The following ZNF33B variants were observed in gnomAD, a reference collection of about 807,000 sequenced individuals.
The protein encoded by ZNF33B is zinc finger protein 11b (KOX 2).
ZNF33B carries 29 observed loss-of-function variants against 45.8 expected under a neutral mutation model. That is an observed-to-expected ratio of 0.63 (90% CI 0.47 to 0.86). The LOEUF is 0.86. ZNF33B is among the 40% of genes least tolerant of loss of function. ZNF33B has a pLI of 0.00. For missense variants in ZNF33B, 831 were observed against 909.9 expected (o/e 0.91, Z 1.12); for synonymous variants, 305 against 307.8 (o/e 0.99, Z 0.10).
chr10:42,637,525 G>A (rs914651475), intron 1 of ZNF33B, among the ~76,000 whole-genome samples: 11 of 152,192 alleles, frequency 7.2e-5, no homozygotes, highest in African/African-American at 2.4e-4. Context: ...TGGCTTAGGG[G>A]TCAGGAGAAG....
intron 4 of ZNF33B, among the ~76,000 whole-genome samples, chr10:42,628,759 G>C (rs552786133): frequency 1.2e-4 from 18 of 151,972 alleles, no homozygotes; most frequent in Admixed American, 1.2e-3. Context: ...GAACGCCACC[G>C]ATCATACACA....
chr10:42,594,356 G>C lies in ZNF33B; in HGVS notation c.594C>G (p.Asn198Lys), dbSNP rs1254546060. Residue 198 changes from asparagine (N) to lysine (K), a missense_variant, in exon 5 of 5, where the codon AAC (asparagine) becomes AAG (lysine). Asn to Lys is a moderately conservative substitution (Grantham distance 94, BLOSUM62 0). Transcript: ENST00000359467. ...REKNEVLKNR[N>K]TLSHRENTLQ... ...AAGTGTTCTCACGATGACTCAGAGT[G>C]TTCCTATTTTTCAAAACTTCATTTT... 6.2e-7 allele frequency: 1 copy of C among 1,613,820 alleles called. No individual in the cohort carries two copies. The highest frequency in any genetic ancestry group is 2.2e-5 in the East Asian group (1 of 44,856).
chr10:42,629,438 C>A (rs933586954), intron 4 of ZNF33B, among the ~76,000 whole-genome samples: 8 of 152,100 alleles, frequency 5.3e-5, no homozygotes, highest in Non-Finnish European at 1.2e-4. Flanking sequence ...TTTAAAGTGA[C>A]TAAAAGAGTG....
rs60817389 is a variant in ZNF33B at position 42,631,969 on chromosome 10, T to C, written c.210A>G (p.Pro70=). The change falls in exon 4 of 5, where the codon CCA becomes CCG. Residue 70 remains proline, a synonymous_variant. Coordinates refer to ENST00000359467, the MANE Select transcript of ZNF33B (RefSeq NM_006955.3). ...VIFRLEQGEE[P]WRLEEEFPSQ... ...TTGGGAATTCTTCCTCCAGTCTCCA[T>C]GGTTCTTCTCCTTGTTCCAGCCTGA... is the stretch of plus-strand genomic sequence containing the variant. 3,264 of 1,614,134 alleles carry C rather than the reference T, an allele frequency of 2.0e-3. 71 individuals are homozygous for C. In the African/African-American group the frequency reaches 0.038, roughly 19 times the overall value.
At chr10:42,574,845 C>T (rs568830533) in intron 1 of ZNF33B, among the ~76,000 whole-genome samples, 2 of 152,126 alleles carry the variant, frequency 1.3e-5, no homozygotes, top group Non-Finnish European at 2.9e-5. Context: ...AAGATAACAC[C>T]TTTTCCTGCC....
chr10:42,619,375 T>A (rs1476403895), intron 4 of ZNF33B, among the ~76,000 whole-genome samples: 1 of 152,106 alleles, frequency 6.6e-6, no homozygotes, highest in African/African-American at 2.4e-5. Flanking sequence ...AACACTATCA[T>A]CTGAGAATTC....
At chr10:42,638,242 C>T (rs1325306009) in intron 1 of ZNF33B, among the ~76,000 whole-genome samples, 1 of 152,278 alleles carries the variant, frequency 6.6e-6, no homozygotes, top group Non-Finnish European at 1.5e-5. Flanking sequence ...TGCCCTCCTC[C>T]GCGGCCCCTA....
Position 42,592,111 on chromosome 10 carries a change from C to A in ZNF33B, c.*502G>T, listed in dbSNP as rs1209458041. 1 of 160,536 alleles carries A rather than the reference C, an allele frequency of 6.2e-6. No homozygotes were observed. Among genetic ancestry groups the A allele is most frequent in the Non-Finnish European group, 1.3e-5 (1 of 74,570 alleles). 9.9% of individuals were successfully genotyped at this position (160,536 alleles called of 1,614,324 possible). On this transcript the variant is annotated 3_prime_UTR_variant, in exon 5 of 5. Transcript: ENST00000359467. ...ACACGGGAATTCTCTGTACTCATTA[C>A]AACTTCTTGTGAGGTTATTTTAATT...
At chr10:42,575,588 T>A (rs1428504943) in intron 1 of ZNF33B, among the ~76,000 whole-genome samples, 2 of 152,084 alleles carry the variant, frequency 1.3e-5, no homozygotes, top group Admixed American at 1.3e-4. Flanking sequence ...GCCCCTAATA[T>A]TTCCACAATT....
At chr10:42,587,223 G>T (rs191436032), downstream of ZNF33B, among the ~76,000 whole-genome samples, 10 of 152,222 alleles carry the variant, frequency 6.6e-5, no homozygotes, top group East Asian at 1.7e-3. Flanking sequence ...GTTTTGAGAT[G>T]GAGTCTTGCT....
At chr10:42,584,908 C>T (rs891285805), downstream of ZNF33B, among the ~76,000 whole-genome samples, 1 of 152,196 alleles carries the variant, frequency 6.6e-6, no homozygotes, top group African/African-American at 2.4e-5. Flanking sequence ...GGAGAACCCT[C>T]CATGGCCTGC....
At chr10:42,622,502 T>C (rs1838633916) in intron 4 of ZNF33B, among the ~76,000 whole-genome samples, 1 of 152,204 alleles carries the variant, frequency 6.6e-6, no homozygotes, top group South Asian at 2.1e-4. Context: ...ACAAACGGAA[T>C]ACAAGTGAGA....
intron 2 of ZNF33B, among the ~76,000 whole-genome samples, chr10:42,633,983 A>C (rs1839172288): frequency 6.6e-6 from 1 of 151,864 alleles, no homozygotes; most frequent in African/African-American, 2.4e-5. Context: ...AAAAAAAAAA[A>C]ATGAAGCATA....
At chr10:42,626,258 T>C (rs1373325344) in intron 4 of ZNF33B, among the ~76,000 whole-genome samples, 2 of 152,252 alleles carry the variant, frequency 1.3e-5, no homozygotes, top group African/African-American at 2.4e-5. Context: ...ACTTTTTACA[T>C]GACTATTTTC....
rs910482301 is a variant in ZNF33B, at chr10:42,633,913, C to G, written c.10-1474G>C. Among the ~76,000 whole-genome samples, 4 of 150,686 alleles carry G rather than the reference C, an allele frequency of 2.7e-5. No individual in the cohort carries two copies. The South Asian group carries it at 8.4e-4, about 32-fold the overall frequency. The stretch of plus-strand genomic sequence containing the variant: ...TAACCTGGGAGGCAGACATTGCAGT[C>G]AGCCGAGGTCGGCACCACTGCACTC... On this transcript the variant is annotated intron_variant, in intron 2 of 4. Transcript: ENST00000359467.
At position 42,591,341 on chromosome 10, in the gene ZNF33B, GT is replaced by G. The variant is rs1837113850; in HGVS notation, c.*1271del. ...AGTGTTCACATATGTACCCCAGGCA[GT>G]TCATGGCATGGGATGAGCCACAGGT... On this transcript the variant is annotated 3_prime_UTR_variant, in exon 5 of 5. Transcript: ENST00000359467. 1 of 592,458 alleles carries G rather than the reference GT, an allele frequency of 1.7e-6. No homozygotes were observed. Among genetic ancestry groups the G allele is most frequent in the Non-Finnish European group, 2.1e-6 (1 of 471,526 alleles). The allele number at this position is 592,458 out of a possible 1,614,324, so 36.7% of individuals were successfully genotyped here. A position where few individuals can be genotyped will look rare whatever the true frequency, so the allele number is the denominator to read the frequency against.
chr10:42,608,988 A>G (rs538927575), intron 4 of ZNF33B, among the ~76,000 whole-genome samples: 108 of 152,284 alleles, frequency 7.1e-4, no homozygotes, highest in Middle Eastern at 3.4e-3. Flanking sequence ...TGAACAATGT[A>G]TGTCAACAAA....
chr10:42,631,666 C>T, intron 4 of ZNF33B: 1 of 368,282 alleles, frequency 2.7e-6, no homozygotes, highest in Non-Finnish European at 4.9e-6. Flanking sequence ...AGAAAAACAA[C>T]AGTAAAGTTG....
At chr10:42,627,019 T>TTTTTTTTTG (rs1838839827) in intron 4 of ZNF33B, among the ~76,000 whole-genome samples, 1 of 151,964 alleles carries the variant, frequency 6.6e-6, no homozygotes, top group African/African-American at 2.4e-5. Flanking sequence ...TTTTTTTTTT[T>TTTTTTTTTG]GGAGACAGAG....
Sources: gnomAD v4.1 joint callset for allele counts (sites outside exome capture counted in the v4.1 genomes callset) on GRCh38, gnomAD v4.1.1 for gene constraint, MANE v1.5 for transcripts, NCBI Gene and HGNC (gene_info 2026-07-23, HGNC 2026-07-21) for gene names.